Variants in MRC1 observed in about 807,000 individuals in gnomAD.
MRC1 encodes the protein mannose receptor C-type 1, also known as macrophage mannose receptor 1.
In MRC1, 62 loss-of-function variants were observed where a neutral mutation model predicts 102.9. The observed-to-expected ratio is 0.60, with a 90% CI of 0.49 to 0.74. MRC1 has a LOEUF of 0.74. Ranked by LOEUF, MRC1 falls within the 30% of genes least tolerant of loss-of-function variation. The probability of loss-of-function intolerance (pLI) is 0.00; values close to 1 mark genes in which losing one functional copy is unlikely to be tolerated. For missense variants in MRC1, 1,237 were observed against 862.8 expected, an observed-to-expected ratio of 1.43 and a Z score of -5.43; for synonymous variants, 457 against 298.4, an observed-to-expected ratio of 1.53 and a Z score of -5.48.
chr10:17,837,321 TA>T (rs1242734741), intron 4 of MRC1, among the ~76,000 whole-genome samples: 1 of 152,196 alleles, frequency 6.6e-6, no homozygotes, highest in Admixed American at 6.5e-5. Context: ...TTTCTTTAAG[TA>T]AAAAATGTCA....
intron 22 of MRC1, 51 bp downstream of exon 22, chr10:17,885,486 G>A (rs782290150): frequency 1.3e-6 from 1 of 774,700 alleles, no homozygotes; most frequent in Non-Finnish European, 2.4e-6. Context: ...CTTGCACAGG[G>A]TTATCATCTT....
chr10:17,883,681 A>G (rs1046582418), intron 21 of MRC1, among the ~76,000 whole-genome samples: 4 of 152,190 alleles, frequency 2.6e-5, no homozygotes, highest in African/African-American at 9.6e-5. Context: ...TAGTCATTCT[A>G]TTTCCTATTT....
At chr10:17,856,789 C>T (rs1021008723) in intron 9 of MRC1, among the ~76,000 whole-genome samples, 4 of 152,146 alleles carry the variant, frequency 2.6e-5, no homozygotes, top group Non-Finnish European at 5.9e-5. Flanking sequence ...GATCCTTAGT[C>T]ATTTTTTTCC....
rs1208929007 is a variant in MRC1 at position 17,898,064 on chromosome 10, T to C, written c.3281T>C (p.Ile1094Thr). Residue 1094 changes from isoleucine (I) to threonine (T), a missense_variant, in exon 24 of 30, where the codon ATT (isoleucine) becomes ACT (threonine). By Grantham distance (89) the Ile-to-Thr change is moderately conservative. Coordinates refer to ENST00000569591, the MANE Select transcript of MRC1 (RefSeq NM_002438.4). ...TCCTTGACTAATCCTCCAGCAACGA[T>C]TCAAACAGATGGCTTTGTTAAATAT... is the stretch of plus-strand genomic sequence containing the variant. ...DPSLTNPPAT[I>T]QTDGFVKYGK... The C allele has an allele frequency of 3.8e-6, 3 of 780,756 alleles. No homozygotes were observed. Among genetic ancestry groups the C allele is most frequent in the Non-Finnish European group, 7.2e-6 (3 of 417,960 alleles). 48.4% of individuals were successfully genotyped at this position (780,756 alleles called of 1,614,324 possible). A position where few individuals can be genotyped will look rare whatever the true frequency, so the allele number is the denominator to read the frequency against.
intron 14 of MRC1, among the ~76,000 whole-genome samples, chr10:17,871,716 C>T (rs1833357508): frequency 6.6e-6 from 1 of 151,934 alleles, no homozygotes; most frequent in Admixed American, 6.6e-5. Context: ...CATTTGTGGC[C>T]CTTGGATCCA....
At chr10:17,817,761 C>G (rs1335129735) in intron 1 of MRC1, among the ~76,000 whole-genome samples, 1 of 152,036 alleles carries the variant, frequency 6.6e-6, no homozygotes, top group African/African-American at 2.4e-5. Context: ...ATTTCTGTTA[C>G]AAAAACATAA....
At chr10:17,897,971 A>G (rs2130713976) in intron 23 of MRC1, 63 bp from the exon 24 acceptor site, 11 of 780,404 alleles carry the variant, frequency 1.4e-5, no homozygotes, top group South Asian at 6.7e-5. Flanking sequence ...TACACTTATC[A>G]TTACTGATAA....
chr10:17,816,628 G>C (rs1838317197), intron 1 of MRC1, among the ~76,000 whole-genome samples: 1 of 152,186 alleles, frequency 6.6e-6, no homozygotes, highest in African/African-American at 2.4e-5. Flanking sequence ...CAAAAGGCGT[G>C]GTGCTGGCGT....
chr10:17,816,395 C>A (rs901059083), intron 1 of MRC1, among the ~76,000 whole-genome samples: 6 of 152,218 alleles, frequency 3.9e-5, no homozygotes, highest in Middle Eastern at 3.4e-3. Flanking sequence ...GTGTGGACAC[C>A]CAGTGACCGC....
intron 1 of MRC1, among the ~76,000 whole-genome samples, chr10:17,814,545 G>T (rs959811670): frequency 2.6e-5 from 4 of 152,046 alleles, no homozygotes; most frequent in Admixed American, 2.0e-4. Flanking sequence ...TAGCACTAAG[G>T]CATCACAGCT....
intron 4 of MRC1, among the ~76,000 whole-genome samples, chr10:17,837,389 C>A (rs1838683748): frequency 6.6e-6 from 1 of 152,224 alleles, no homozygotes; most frequent in East Asian, 1.9e-4. Flanking sequence ...GAAAGATATT[C>A]CCTCCCCACT....
At chr10:17,864,421 G>A (rs1230798218) in intron 11 of MRC1, among the ~76,000 whole-genome samples, 2 of 152,124 alleles carry the variant, frequency 1.3e-5, no homozygotes, top group East Asian at 1.9e-4. Flanking sequence ...TTGCTCATGC[G>A]GAACTCATTA....
intron 5 of MRC1, among the ~76,000 whole-genome samples, chr10:17,842,520 T>C (rs2130628757): frequency 6.6e-6 from 1 of 152,286 alleles, no homozygotes; most frequent in African/African-American, 2.4e-5. Flanking sequence ...ATTTCTGGAA[T>C]ATGGGAAGAC....
intron 4 of MRC1, among the ~76,000 whole-genome samples, chr10:17,834,249 G>A (rs555045010): frequency 0.15 from 23,040 of 152,136 alleles, 1,935 homozygotes; most frequent in South Asian, 0.23. Context: ...TTAAAAGACT[G>A]CTACCACTGG....
intron 26 of MRC1, among the ~76,000 whole-genome samples, chr10:17,904,964 A>G (rs992291396): frequency 1.1e-4 from 17 of 152,346 alleles, no homozygotes; most frequent in East Asian, 3.9e-4. Context: ...GATGGTTACA[A>G]TGTTAGACAA....
intron 17 of MRC1, 75 bp downstream of exon 17, chr10:17,875,328 T>C (rs1395368681): frequency 1.7e-5 from 13 of 764,110 alleles, no homozygotes; most frequent in Non-Finnish European, 3.2e-5. Flanking sequence ...ATGGAAAAGT[T>C]CTTTAGTGGT....
In MRC1 at chr10:17,829,070, G is replaced by C. The variant is rs1035606940; in HGVS notation, c.637+1355G>C. Among the ~76,000 whole-genome samples the C allele has an allele frequency of 3.0e-3, 460 of 151,452 alleles. 18 individuals carry two copies. The highest frequency in any genetic ancestry group is 0.01 in the African/African-American group (428 of 40,776). ...AGATCAGAGTAGCTCTTGTTTCCTG[G>C]TTATCACCCAGAACTCTTTCTCCTG... On this transcript the variant is annotated intron_variant, in intron 3 of 29. Coordinates refer to ENST00000569591, the MANE Select transcript of MRC1 (RefSeq NM_002438.4).
At chr10:17,810,026 A>AT (rs1222699418) in intron 1 of MRC1, among the ~76,000 whole-genome samples, 26 of 150,298 alleles carry the variant, frequency 1.7e-4, no homozygotes, top group East Asian at 7.8e-4. Context: ...TTCCATACTC[A>AT]TTTTTTTTTC....
chr10:17,878,054 A>G, intron 18 of MRC1, 87 bp downstream of exon 18: 1 of 798,470 alleles, frequency 1.3e-6, no homozygotes, highest in Non-Finnish European at 2.2e-6. Context: ...TCTTTGTGGA[A>G]TGCATTTTTA....
Sources: allele counts gnomAD v4.1 joint callset (sites outside exome capture counted in the v4.1 genomes callset), GRCh38; gene constraint gnomAD v4.1.1; transcripts MANE v1.5; gene names NCBI Gene and HGNC (gene_info 2026-07-23, HGNC 2026-07-21).